DAB1: variants seen among roughly 807,000 people sequenced by gnomAD.
The protein encoded by DAB1 is DAB adaptor protein 1.
DAB1 carries 15 observed loss-of-function variants against 64.6 expected under a neutral mutation model. That is an observed-to-expected ratio of 0.23 (90% CI 0.16 to 0.36). The LOEUF (loss-of-function observed/expected upper bound fraction) is 0.36. DAB1 is among the 10% of genes least tolerant of loss of function. DAB1 has a pLI of 1.00. For synonymous variants in DAB1, 235 were observed against 251.9 expected, an observed-to-expected ratio of 0.93 and a Z score of 0.64; for missense variants, 596 against 706.7, an observed-to-expected ratio of 0.84 and a Z score of 1.78.
At chr1:57,781,692 G>A (rs1200207153) in intron 6 of DAB1, among the ~76,000 whole-genome samples, 3 of 142,054 alleles carry the variant, frequency 2.1e-5, no homozygotes, top group Non-Finnish European at 4.5e-5. Context: ...GTAGGACTTT[G>A]CATCTGGTTA....
chr1:58,445,880 C>T (rs937817855), intron 3 of DAB1, among the ~76,000 whole-genome samples: 1 of 152,202 alleles, frequency 6.6e-6, no homozygotes, highest in Admixed American at 6.5e-5. Context: ...GGAGCTGAAG[C>T]AACCCCAGAG....
intron 5 of DAB1, among the ~76,000 whole-genome samples, chr1:58,130,555 A>T (rs1407446529): frequency 2.0e-5 from 3 of 152,002 alleles, no homozygotes; most frequent in Non-Finnish European, 4.4e-5. Flanking sequence ...CCTAGTCTTG[A>T]TGGTCTTTAC....
At chr1:58,030,663 C>G (rs1646958231) in intron 5 of DAB1, among the ~76,000 whole-genome samples, 1 of 152,148 alleles carries the variant, frequency 6.6e-6, no homozygotes. Context: ...GGGGTGGGGC[C>G]CGGGTTTTCC....
At chr1:58,405,422 G>C (rs903200230) in intron 3 of DAB1, among the ~76,000 whole-genome samples, 28 of 151,920 alleles carry the variant, frequency 1.8e-4, no homozygotes, top group African/African-American at 6.5e-4. Context: ...CTGTAGTTCA[G>C]TGATGTGATC....
chr1:57,338,652 T>C (rs919490531), intron 1 of DAB1, among the ~76,000 whole-genome samples: 2 of 152,216 alleles, frequency 1.3e-5, no homozygotes, highest in African/African-American at 2.4e-5. Flanking sequence ...TGCTTAGTAC[T>C]GGGCAGTAAG....
intron 1 of DAB1, among the ~76,000 whole-genome samples, chr1:57,881,439 A>T (rs1380118585): frequency 6.6e-6 from 1 of 152,136 alleles, no homozygotes; most frequent in Non-Finnish European, 1.5e-5. Context: ...GAAGGAAAGA[A>T]TTAGCCAGGC....
intron 3 of DAB1, among the ~76,000 whole-genome samples, chr1:58,417,465 C>T (rs775992603): frequency 2.6e-5 from 4 of 152,190 alleles, no homozygotes; most frequent in Non-Finnish European, 4.4e-5. Context: ...GCTGGCCCCA[C>T]GGCCGGGAGT....
intron 4 of DAB1, among the ~76,000 whole-genome samples, chr1:58,250,096 T>G (rs1185271998): frequency 6.6e-6 from 1 of 152,044 alleles, no homozygotes; most frequent in Non-Finnish European, 1.5e-5. Context: ...CAGTAGGCAG[T>G]GCGGGCACAG....
intron 4 of DAB1, among the ~76,000 whole-genome samples, chr1:58,304,217 G>C (rs1293999695): frequency 6.6e-6 from 1 of 152,104 alleles, no homozygotes; most frequent in Non-Finnish European, 1.5e-5. Context: ...ATGTAGCTTT[G>C]AAAGCCATCG....
intron 3 of DAB1, among the ~76,000 whole-genome samples, chr1:58,352,606 C>T (rs1014381543): frequency 2.6e-5 from 4 of 152,160 alleles, no homozygotes; most frequent in African/African-American, 9.7e-5. Context: ...AATAAACTAT[C>T]GGAAAAGTGG....
upstream of DAB1, among the ~76,000 whole-genome samples, chr1:57,425,540 G>A (rs1204111880): frequency 1.3e-5 from 2 of 152,082 alleles, no homozygotes; most frequent in Non-Finnish European, 2.9e-5. Flanking sequence ...CAAAATTCAC[G>A]ACCCATTAAA....
intron 1 of DAB1, among the ~76,000 whole-genome samples, chr1:58,545,467 T>G (rs1186057559): frequency 6.6e-6 from 1 of 151,748 alleles, no homozygotes; most frequent in Non-Finnish European, 1.5e-5. Flanking sequence ...AATCTATTCA[T>G]GCATTTTCAA....
intron 2 of DAB1, among the ~76,000 whole-genome samples, chr1:57,263,138 C>T (rs921095340): frequency 5.8e-5 from 8 of 138,158 alleles, no homozygotes; most frequent in East Asian, 2.1e-4. Context: ...TTTTTTGAGA[C>T]GGAGTCTCGC....
At chr1:57,788,218 C>G (rs546771536) in intron 6 of DAB1, among the ~76,000 whole-genome samples, 1 of 152,110 alleles carries the variant, frequency 6.6e-6, no homozygotes, top group Non-Finnish European at 1.5e-5. Flanking sequence ...ACATAAATAA[C>G]ATTAATATTT....
intron 3 of DAB1, among the ~76,000 whole-genome samples, chr1:58,387,387 TC>T (rs1557746488): frequency 6.6e-6 from 1 of 152,206 alleles, no homozygotes; most frequent in Non-Finnish European, 1.5e-5. Context: ...GTTTATATGT[TC>T]TTTTTCATGG....
intron 6 of DAB1, among the ~76,000 whole-genome samples, chr1:57,676,599 C>A (rs779976479): frequency 1.1e-4 from 16 of 152,184 alleles, no homozygotes; most frequent in Non-Finnish European, 1.5e-4. Context: ...CACCAGAAAA[C>A]GATAACTATT....
chr1:58,539,422 T>C (rs1646568894), intron 1 of DAB1: 3 of 624,364 alleles, frequency 4.8e-6, no homozygotes, highest in Non-Finnish European at 8.2e-6. Flanking sequence ...CATCTCAGGC[T>C]AAATTACCTT....
chr1:57,145,158 A>G lies in DAB1; in HGVS notation c.207+132T>C, dbSNP rs779814348. 10 of 844,064 alleles carry G rather than the reference A, an allele frequency of 1.2e-5. No homozygotes were observed. The South Asian group carries it at 1.6e-4, about 13-fold the overall frequency. The allele number at this position is 844,064 out of a possible 1,614,324, so 52.3% of individuals were successfully genotyped here. ...TGAAATATCTTCCGAATGAAAAAAT[A>G]TGGTGATTCAACAGTAAGCCAAGTA... On this transcript the variant is annotated intron_variant, in intron 3 of 14. Coordinates refer to ENST00000371236, the MANE Select transcript of DAB1 (RefSeq NM_001365792.1).
At chr1:57,824,314 T>C (rs1344757756), downstream of DAB1, among the ~76,000 whole-genome samples, 3 of 152,156 alleles carry the variant, frequency 2.0e-5, no homozygotes, top group Admixed American at 6.5e-5. Context: ...ATGCTGTGAA[T>C]GTGGTCACAC....
Sources: allele counts gnomAD v4.1 joint callset (sites outside exome capture counted in the v4.1 genomes callset), GRCh38; gene constraint gnomAD v4.1.1; transcripts MANE v1.5; gene names NCBI Gene and HGNC (gene_info 2026-07-23, HGNC 2026-07-21).